NADK2: variants seen among roughly 807,000 people sequenced by gnomAD.
The protein encoded by NADK2 is NAD kinase 2, mitochondrial.
In NADK2, 35 loss-of-function variants were observed where a neutral mutation model predicts 62.1. That is an observed-to-expected ratio of 0.56 (90% confidence interval 0.43 to 0.75). The LOEUF (loss-of-function observed/expected upper bound fraction) is 0.75. NADK2 is among the 30% of genes least tolerant of loss of function. The pLI, the probability that NADK2 is intolerant of heterozygous loss-of-function variation, is 0.00. For synonymous variants in NADK2, 205 were observed against 207.9 expected, an observed-to-expected ratio of 0.99 and a Z score of 0.12; for missense variants, 439 against 561.3, an observed-to-expected ratio of 0.78 and a Z score of 2.20.
chr5:36,231,040 A>G (rs1747690445), intron 1 of NADK2, among the ~76,000 whole-genome samples: 1 of 152,162 alleles, frequency 6.6e-6, no homozygotes, highest in South Asian at 2.1e-4. Flanking sequence ...TATGTTCCAA[A>G]TTTTGGTTTG....
intron 6 of NADK2, among the ~76,000 whole-genome samples, chr5:36,212,630 G>A (rs1043242641): frequency 1.3e-5 from 2 of 152,078 alleles, no homozygotes; most frequent in African/African-American, 4.8e-5. Context: ...GTTTCCAACT[G>A]GAAATGGCAA....
rs192178112 is a variant in NADK2 at position 36,202,456 on chromosome 5, G to A, written c.957-1295C>T. ...AGTAAACCTTATTCCCCACTGAACA[G>A]AGAACTGACAGGATAATGGGACAAT... On this transcript the variant is annotated intron_variant, in intron 8 of 11. Coordinates refer to ENST00000381937, the MANE Select transcript of NADK2 (RefSeq NM_001085411.3). Among the ~76,000 whole-genome samples, 5 of 152,200 alleles carry A rather than the reference G, an allele frequency of 3.3e-5. No homozygotes were observed. The East Asian group carries it at 9.7e-4, about 29-fold the overall frequency.
At position 36,194,293 on chromosome 5, in the gene NADK2, T is replaced by A. The variant is rs1048574775; in HGVS notation, c.*851A>T. 6.6e-6 allele frequency: 1 copy of A among 152,190 alleles called. No homozygotes were observed. Among genetic ancestry groups the A allele is most frequent in the African/African-American group, 2.4e-5 (1 of 41,462 alleles). 9.4% of individuals were successfully genotyped at this position (152,190 alleles called of 1,614,324 possible). The stretch of plus-strand genomic sequence containing the variant: ...ATAATACTCCTAACACAGGTGAAGA[T>A]ATTTTTACAATATTTTACCAAACTC... On this transcript the variant is annotated 3_prime_UTR_variant, in exon 12 of 12. Transcript: ENST00000381937.
Position 36,210,369 on chromosome 5 carries a change from G to A in NADK2, c.860+1475C>T, listed in dbSNP as rs559546975. 7.9e-5 allele frequency among the ~76,000 whole-genome samples: 12 copies of A among 152,174 alleles called. No homozygotes were observed. The South Asian group carries it at 8.3e-4, about 11-fold the overall frequency. On this transcript the variant is annotated intron_variant, in intron 7 of 11. Coordinates refer to ENST00000381937, the MANE Select transcript of NADK2 (RefSeq NM_001085411.3). Reference sequence around the variant, plus strand: ...CAAGTCCCACAAAACAGCTTCTGCCGGTAATGAAACACACACATTTTTACA... The same window carrying A: ...CAAGTCCCACAAAACAGCTTCTGCCAGTAATGAAACACACACATTTTTACA...
rs184957333 is a variant in NADK2, at chr5:36,202,458, G to A, written c.957-1297C>T. ...TAAACCTTATTCCCCACTGAACAGA[G>A]AACTGACAGGATAATGGGACAATTC... is the stretch of plus-strand genomic sequence containing the variant. On this transcript the variant is annotated intron_variant, in intron 8 of 11. Transcript: ENST00000381937. Among the ~76,000 whole-genome samples the A allele has an allele frequency of 3.9e-5, 6 of 152,192 alleles. No homozygotes were observed. In the East Asian group the frequency reaches 9.7e-4, roughly 25 times the overall value.
chr5:36,228,753 G>A (rs1185392896), intron 1 of NADK2, among the ~76,000 whole-genome samples: 1 of 151,428 alleles, frequency 6.6e-6, no homozygotes, highest in Non-Finnish European at 1.5e-5. Flanking sequence ...CAGGCAGCTG[G>A]GACTACAAGT....
In NADK2 at chr5:36,197,614, T is replaced by A. The variant is rs1380102211; in HGVS notation, c.1117A>T (p.Ile373Leu). 1.2e-6 allele frequency: 2 copies of A among 1,610,826 alleles called. No homozygotes were observed. ...SLLYSPEEPK[I>L]LFSIREPIAN... Reference sequence around the variant, plus strand: ...ATTGGTTCTCGAATACTGAAAAGTATTTTTGGTTCTTCCGGACTGTAGAGC... The same window carrying A: ...ATTGGTTCTCGAATACTGAAAAGTAATTTTGGTTCTTCCGGACTGTAGAGC... The change falls in exon 11 of 12, where the codon ATA becomes TTA. Residue 373 changes from isoleucine (I) to leucine (L), a missense_variant. By Grantham distance (5) the Ile-to-Leu change is conservative (BLOSUM62 2). Coordinates refer to ENST00000381937, the MANE Select transcript of NADK2 (RefSeq NM_001085411.3).
At chr5:36,240,541 T>C (rs1748067582) in intron 1 of NADK2, among the ~76,000 whole-genome samples, 1 of 152,184 alleles carries the variant, frequency 6.6e-6, no homozygotes. Context: ...AGATTTCCAA[T>C]ATATTTTTCT....
intron 10 of NADK2, among the ~76,000 whole-genome samples, chr5:36,198,544 C>T (rs1746316800): frequency 6.7e-6 from 1 of 149,472 alleles, no homozygotes; most frequent in Admixed American, 6.7e-5. Context: ...TAAAGTAAAG[C>T]TTTGGTATGT....
chr5:36,218,022 C>A, intron 5 of NADK2, 138 bp from the exon 6 acceptor site: 7 of 695,670 alleles, frequency 1.0e-5, no homozygotes, highest in Non-Finnish European at 1.6e-5. Flanking sequence ...ATCAGAAACA[C>A]CTAAAGCCTA....
intron 8 of NADK2, among the ~76,000 whole-genome samples, chr5:36,202,031 G>A (rs1219296121): frequency 6.6e-6 from 1 of 152,000 alleles, no homozygotes; most frequent in Non-Finnish European, 1.5e-5. Flanking sequence ...CCAAGGAACA[G>A]GAATAACATA....
chr5:36,241,435 G>C lies in NADK2; in HGVS notation c.300+64C>G. On this transcript the variant is annotated intron_variant, in intron 1 of 11. Coordinates refer to ENST00000381937, the MANE Select transcript of NADK2 (RefSeq NM_001085411.3). This position sits in a 1 kb window ranked among gnomAD's most constrained non-coding sequence, Gnocchi z 4.9. Reference sequence around the variant, plus strand: ...TCGTCCCGAGAGGTCCCCCCGAGGGGGCGCAGCCGCCACCAGAGCCCCGGC... The same window carrying C: ...TCGTCCCGAGAGGTCCCCCCGAGGGCGCGCAGCCGCCACCAGAGCCCCGGC... The C allele has an allele frequency of 6.8e-7, 1 of 1,466,992 alleles. No individual in the cohort carries two copies. Among genetic ancestry groups the C allele is most frequent in the South Asian group, 1.3e-5 (1 of 79,390 alleles). 90.9% of individuals were successfully genotyped at this position (1,466,992 alleles called of 1,614,324 possible). A position where few individuals can be genotyped will look rare whatever the true frequency, so the allele number is the denominator to read the frequency against.
intron 1 of NADK2, among the ~76,000 whole-genome samples, chr5:36,230,908 CTA>C (rs1747685388): frequency 6.6e-6 from 1 of 152,182 alleles, no homozygotes; most frequent in African/African-American, 2.4e-5. Flanking sequence ...ACAATGATAA[CTA>C]ATTCAAATGC....
At chr5:36,208,831 T>C (rs1746737588) in intron 7 of NADK2, 4 of 616,250 alleles carry the variant, frequency 6.5e-6, no homozygotes, top group Admixed American at 3.0e-5. Context: ...TTTCAGAGCA[T>C]AGTGAAGCCT....
chr5:36,224,958 A>T (rs1747427383), intron 4 of NADK2, among the ~76,000 whole-genome samples: 1 of 152,170 alleles, frequency 6.6e-6, no homozygotes, highest in African/African-American at 2.4e-5. Flanking sequence ...CATAATGAGG[A>T]ATATAAATAC....
chr5:36,241,135 G>A lies in NADK2; in HGVS notation c.300+364C>T, dbSNP rs1748097865. 6.6e-6 allele frequency among the ~76,000 whole-genome samples: 1 copy of A among 152,170 alleles called. No individual in the cohort carries two copies. The highest frequency in any genetic ancestry group is 1.5e-5 in the Non-Finnish European group (1 of 68,014). ...CCACTGGCTCACTTTCTTGGAGTGG[G>A]TCCCAACCAGGGAACGAGGGCGGGG... is the stretch of plus-strand genomic sequence containing the variant. On this transcript the variant is annotated intron_variant, in intron 1 of 11. Coordinates refer to ENST00000381937, the MANE Select transcript of NADK2 (RefSeq NM_001085411.3). This position sits in a 1 kb window ranked among gnomAD's most constrained non-coding sequence, Gnocchi z 4.9.
At position 36,241,716 on chromosome 5, in the gene NADK2, G is replaced by A. The variant is rs887487669; in HGVS notation, c.83C>T (p.Ala28Val). The change falls in exon 1 of 12, where the codon GCG becomes GTG. Residue 28 changes from alanine to valine, a missense_variant. Coordinates refer to ENST00000381937, the MANE Select transcript of NADK2 (RefSeq NM_001085411.3). The surrounding 1 kb of genome is among the most constrained non-coding windows in gnomAD (Gnocchi z 4.9). ...GRAAALRGPGAGGPAARPRLG... is the reference protein window; with the variant it reads ...GRAAALRGPGVGGPAARPRLG... ...CCGGGGCCGCGCGGCGGGGCCTCCC[G>A]CACCCGGTCCCCGCAGCGCCGCCGC... 3 of 1,162,064 alleles carry A rather than the reference G, an allele frequency of 2.6e-6. No homozygotes were observed. Among genetic ancestry groups the A allele is most frequent in the Non-Finnish European group, 3.2e-6 (3 of 946,522 alleles). 72.0% of individuals were successfully genotyped at this position (1,162,064 alleles called of 1,614,324 possible). A position where few individuals can be genotyped will look rare whatever the true frequency, so the allele number is the denominator to read the frequency against.
intron 2 of NADK2, among the ~76,000 whole-genome samples, chr5:36,226,774 A>G (rs1747499701): frequency 6.6e-6 from 1 of 152,178 alleles, no homozygotes; most frequent in Non-Finnish European, 1.5e-5. Context: ...ATATGAATAA[A>G]TCGAAAGTTA....
intron 1 of NADK2, among the ~76,000 whole-genome samples, chr5:36,231,533 T>C (rs180742187): frequency 1.1e-3 from 172 of 152,266 alleles, no homozygotes; most frequent in African/African-American, 3.9e-3. Flanking sequence ...ACTGGCTAAA[T>C]GAGACAGATA....
Sources: gnomAD v4.1 joint callset for allele counts (sites outside exome capture counted in the v4.1 genomes callset) on GRCh38, gnomAD v4.1.1 for gene constraint, Gnocchi (gnomAD v3.1) non-coding constraint, MANE v1.5 for transcripts, NCBI Gene and HGNC (gene_info 2026-07-23, HGNC 2026-07-21) for gene names.